The following PTPRD variants were observed in gnomAD, a reference collection of about 807,000 sequenced individuals.
PTPRD encodes the protein receptor-type tyrosine-protein phosphatase delta.
A neutral mutation model predicts 214.5 loss-of-function variants in PTPRD; 34 were observed. The observed-to-expected ratio is 0.16, with a 90% CI of 0.12 to 0.21. The LOEUF (loss-of-function observed/expected upper bound fraction) is 0.21, where lower values mean the gene tolerates loss of function less well. PTPRD is among the 10% of genes least tolerant of loss of function. PTPRD has a pLI of 1.00. For missense variants in PTPRD, 2,545 were observed against 2,398.7 expected, an observed-to-expected ratio of 1.06 and a Z score of -1.27; for synonymous variants, 1,128 against 845.7, an observed-to-expected ratio of 1.33 and a Z score of -5.79.
intron 14 of PTPRD, among the ~76,000 whole-genome samples, chr9:8,571,980 T>G (rs1057318320): frequency 3.9e-5 from 6 of 152,060 alleles, no homozygotes; most frequent in Non-Finnish European, 7.4e-5. Flanking sequence ...AGAATTAAAG[T>G]TGGTGGATGC....
chr9:8,960,143 A>G (rs1343294927), intron 11 of PTPRD, among the ~76,000 whole-genome samples: 1 of 152,056 alleles, frequency 6.6e-6, no homozygotes, highest in Non-Finnish European at 1.5e-5. Flanking sequence ...AACTTCTCTA[A>G]GCCTCAATTT....
Position 9,411,474 on chromosome 9 carries a change from A to G in PTPRD, c.-236-13992T>C, listed in dbSNP as rs148335140. Among the ~76,000 whole-genome samples the G allele has an allele frequency of 2.9e-3, 449 of 152,326 alleles. 3 individuals carry two copies. The highest frequency in any genetic ancestry group is 9.3e-3 in the African/African-American group (386 of 41,576). ...TCAATATCCAGAACTGTCTAAACAA[A>G]AGCAGCCAAATTACTCTTTTACTCT... On this transcript the variant is annotated intron_variant, in intron 8 of 45. Transcript: ENST00000381196.
intron 12 of PTPRD, among the ~76,000 whole-genome samples, chr9:8,661,581 C>A (rs142205310): frequency 3.9e-5 from 6 of 152,076 alleles, no homozygotes; most frequent in Non-Finnish European, 8.8e-5. Flanking sequence ...TTTTACAACA[C>A]TTGTTCCTTT....
chr9:10,065,638 G>C (rs967068815), intron 3 of PTPRD, among the ~76,000 whole-genome samples: 7 of 151,888 alleles, frequency 4.6e-5, no homozygotes, highest in Non-Finnish European at 1.0e-4. Context: ...GATTGCTTTA[G>C]TTACAAAGGC....
intron 10 of PTPRD, among the ~76,000 whole-genome samples, chr9:9,097,967 G>A (rs757060845): frequency 6.6e-6 from 1 of 152,020 alleles, no homozygotes; most frequent in South Asian, 2.1e-4. Context: ...GATCCAGAGA[G>A]GGACCTGGAA....
intron 4 of PTPRD, among the ~76,000 whole-genome samples, chr9:10,018,285 T>A (rs2096765859): frequency 6.6e-6 from 1 of 151,884 alleles, no homozygotes; most frequent in Admixed American, 6.6e-5. Context: ...TGATTGGGAT[T>A]TTTCCCTTTC....
chr9:9,867,939 G>C (rs977456610), intron 5 of PTPRD, among the ~76,000 whole-genome samples: 7 of 152,136 alleles, frequency 4.6e-5, no homozygotes, highest in African/African-American at 1.7e-4. Context: ...GAGTAAGACT[G>C]TTTTTCTCAC....
At chr9:9,631,192 CATAAATAAATAA>C (rs140642091) in intron 7 of PTPRD, among the ~76,000 whole-genome samples, 33,586 of 139,264 alleles carry the variant, frequency 0.24, 4,842 homozygotes, top group Non-Finnish European at 0.33. Flanking sequence ...GTATCTCATT[CATAAATAAATAA>C]ATAAATAAAT....
At chr9:8,612,582 G>A (rs1054731007) in intron 14 of PTPRD, among the ~76,000 whole-genome samples, 13 of 152,226 alleles carry the variant, frequency 8.5e-5, no homozygotes, top group Admixed American at 7.9e-4. Context: ...GTCAGAAGAA[G>A]CAAGACAGAA....
At chr9:9,602,215 C>T (rs2093824169) in intron 7 of PTPRD, among the ~76,000 whole-genome samples, 1 of 151,974 alleles carries the variant, frequency 6.6e-6, no homozygotes, top group Admixed American at 6.6e-5. Flanking sequence ...TATCATTAAA[C>T]ATGTTAATAT....
intron 8 of PTPRD, among the ~76,000 whole-genome samples, chr9:9,398,574 C>T (rs1019456156): frequency 6.6e-6 from 1 of 151,806 alleles, no homozygotes; most frequent in African/African-American, 2.4e-5. Flanking sequence ...TAGTAATATA[C>T]CCTATGAACA....
In PTPRD at chr9:9,228,802, T is replaced by C. The variant is rs151171373; in HGVS notation, c.-202-45439A>G. Among the ~76,000 whole-genome samples, 1,070 of 152,250 alleles carry C rather than the reference T, an allele frequency of 7.0e-3. 12 individuals carry two copies. Among genetic ancestry groups the C allele is most frequent in the Middle Eastern group, 0.014 (4 of 294 alleles). Reference sequence around the variant, plus strand: ...TAATTTCTTTTCCTTTTCCCTTGTCTTGCCTTCGTTTTTTGTTTCTTATAG... The same window carrying C: ...TAATTTCTTTTCCTTTTCCCTTGTCCTGCCTTCGTTTTTTGTTTCTTATAG... On this transcript the variant is annotated intron_variant, in intron 9 of 45. Coordinates refer to ENST00000381196, the MANE Select transcript of PTPRD (RefSeq NM_002839.4).
chr9:8,629,793 C>A (rs185281064), intron 14 of PTPRD, among the ~76,000 whole-genome samples: 3 of 151,798 alleles, frequency 2.0e-5, no homozygotes, highest in Non-Finnish European at 4.4e-5. Flanking sequence ...CACCTCCCCC[C>A]TCTCCTACTT....
chr9:9,246,348 T>C (rs1250585009), intron 9 of PTPRD, among the ~76,000 whole-genome samples: 1 of 152,072 alleles, frequency 6.6e-6, no homozygotes, highest in African/African-American at 2.4e-5. Context: ...AAGCTGAAGC[T>C]TGACCACTTG....
intron 11 of PTPRD, among the ~76,000 whole-genome samples, chr9:8,944,512 C>A (rs139821865): frequency 8.6e-4 from 131 of 152,094 alleles, no homozygotes; most frequent in African/African-American, 2.8e-3. Context: ...ACGTGTCCAT[C>A]GACAGATGAA....
intron 12 of PTPRD, among the ~76,000 whole-genome samples, chr9:8,699,325 G>C (rs974321541): frequency 6.6e-6 from 1 of 152,108 alleles, no homozygotes; most frequent in African/African-American, 2.4e-5. Flanking sequence ...AGATGAGGCA[G>C]ACAAAGAAAC....
chr9:8,357,749 T>C (rs928239735), intron 39 of PTPRD, among the ~76,000 whole-genome samples: 1 of 152,200 alleles, frequency 6.6e-6, no homozygotes, highest in African/African-American at 2.4e-5. Context: ...ATATTGGGAA[T>C]AGGATGCTTA....
chr9:9,464,255 A>G (rs1040306563), intron 8 of PTPRD, among the ~76,000 whole-genome samples: 4 of 152,112 alleles, frequency 2.6e-5, no homozygotes, highest in African/African-American at 9.7e-5. Flanking sequence ...TGAACATCGT[A>G]TCCAATAGGT....
intron 9 of PTPRD, among the ~76,000 whole-genome samples, chr9:9,283,080 A>T (rs756235630): frequency 6.6e-6 from 1 of 151,364 alleles, no homozygotes; most frequent in Non-Finnish European, 1.5e-5. Context: ...AACCAAAAAA[A>T]CTCATGTCAT....
Sources: gnomAD v4.1 joint callset for allele counts (sites outside exome capture counted in the v4.1 genomes callset) on GRCh38, gnomAD v4.1.1 for gene constraint, MANE v1.5 for transcripts, NCBI Gene and HGNC (gene_info 2026-07-23, HGNC 2026-07-21) for gene names.